Variants in RAPGEF5 observed in about 807,000 individuals in gnomAD.
RAPGEF5 encodes Rap guanine nucleotide exchange factor 5, also known as M-Ras-regulated GEF.
Under a neutral mutation model 125.2 loss-of-function variants are expected in RAPGEF5, and 65 were observed. The observed-to-expected ratio is 0.52, with a 90% CI of 0.43 to 0.64. The LOEUF (loss-of-function observed/expected upper bound fraction) is 0.64, where lower values mean the gene tolerates loss of function less well. RAPGEF5 is among the 30% of genes least tolerant of loss of function. The probability of loss-of-function intolerance (pLI) is 0.00; values close to 1 mark genes in which losing one functional copy is unlikely to be tolerated. For synonymous variants in RAPGEF5, 391 were observed against 385.9 expected, an observed-to-expected ratio of 1.01 and a Z score of -0.16; for missense variants, 958 against 1,048.1, an observed-to-expected ratio of 0.91 and a Z score of 1.19.
Position 22,296,871 on chromosome 7 carries a change from C to A in RAPGEF5, c.681-5630G>T, listed in dbSNP as rs529293564. ...TCCCAGGGGCCAAGTGGAAAAACTG[C>A]TTCCAGGACATGATCAATTGTGCCA... On this transcript the variant is annotated intron_variant, in intron 5 of 25. Transcript: ENST00000665637. Among the ~76,000 whole-genome samples, 6 of 152,270 alleles carry A rather than the reference C, an allele frequency of 3.9e-5. No individual in the cohort carries two copies. In the East Asian group the frequency reaches 1.2e-3, roughly 29 times the overall value.
intron 6 of RAPGEF5, among the ~76,000 whole-genome samples, chr7:22,285,815 T>G (rs559478188): frequency 6.6e-6 from 1 of 152,144 alleles, no homozygotes; most frequent in Non-Finnish European, 1.5e-5. Context: ...GAAAAGCCCT[T>G]ATGAAAAGGA....
At position 22,194,754 on chromosome 7, in the gene RAPGEF5, G is replaced by A. The variant is rs115219594; in HGVS notation, c.997-721C>T. Reference sequence around the variant, plus strand: ...CAGTCCCTTTTTAAAAAGGAGAGATGGCTGAACACACAGATTCATTTCTGC... The same window carrying A: ...CAGTCCCTTTTTAAAAAGGAGAGATAGCTGAACACACAGATTCATTTCTGC... On this transcript the variant is annotated intron_variant, in intron 9 of 25. Transcript: ENST00000665637. The A allele has an allele frequency of 4.1e-4, 408 of 985,404 alleles. 5 individuals are homozygous for A. In the African/African-American group the frequency reaches 6.8e-3, roughly 16 times the overall value. The allele number at this position is 985,404 out of a possible 1,614,324, so 61.0% of individuals were successfully genotyped here. A position where few individuals can be genotyped will look rare whatever the true frequency, so the allele number is the denominator to read the frequency against.
chr7:22,219,812 C>A, intron 9 of RAPGEF5, 54 bp downstream of exon 9: 2 of 1,520,390 alleles, frequency 1.3e-6, no homozygotes, highest in African/African-American at 1.4e-5. Context: ...TGCAATCAGG[C>A]AAAAACATTT....
At chr7:22,317,852 A>C in intron 2 of RAPGEF5, 135 bp downstream of exon 2, 1 of 1,139,908 alleles carries the variant, frequency 8.8e-7, no homozygotes. Context: ...TGGTGAAGAT[A>C]ATGTGATCAC....
intron 24 of RAPGEF5, among the ~76,000 whole-genome samples, chr7:22,127,131 C>T (rs1184275375): frequency 6.6e-6 from 1 of 151,434 alleles, no homozygotes; most frequent in Non-Finnish European, 1.5e-5. Flanking sequence ...CTCTACTCCC[C>T]AGGTTCAAGT....
chr7:22,268,683 T>C (rs540902245), intron 6 of RAPGEF5, among the ~76,000 whole-genome samples: 1 of 152,294 alleles, frequency 6.6e-6, no homozygotes, highest in South Asian at 2.1e-4. Context: ...AAGGCAGAGA[T>C]GGAAAATCAT....
chr7:22,351,794 T>C (rs1054822768), intron 1 of RAPGEF5, among the ~76,000 whole-genome samples: 6 of 152,356 alleles, frequency 3.9e-5, no homozygotes, highest in African/African-American at 1.4e-4. Flanking sequence ...GATCGGTTTC[T>C]ATTTCTCAAT....
chr7:22,197,358 T>A (rs1185608650), intron 9 of RAPGEF5, among the ~76,000 whole-genome samples: 1 of 152,102 alleles, frequency 6.6e-6, no homozygotes, highest in African/African-American at 2.4e-5. Context: ...ACGTTGAAAA[T>A]CATCTAGCTT....
intron 11 of RAPGEF5, among the ~76,000 whole-genome samples, chr7:22,176,090 G>A (rs1784498106): frequency 6.6e-6 from 1 of 152,088 alleles, no homozygotes; most frequent in Non-Finnish European, 1.5e-5. Context: ...TCACAGTAGG[G>A]GATGAAAGAG....
chr7:22,276,263 T>C (rs998440161), intron 6 of RAPGEF5, among the ~76,000 whole-genome samples: 1 of 152,342 alleles, frequency 6.6e-6, no homozygotes, highest in South Asian at 2.1e-4. Flanking sequence ...AAAAAGCTCA[T>C]AAATGATTCT....
At chr7:22,248,742 G>A (rs1246987743) in intron 7 of RAPGEF5, among the ~76,000 whole-genome samples, 3 of 152,176 alleles carry the variant, frequency 2.0e-5, no homozygotes, top group African/African-American at 7.2e-5. Context: ...CTTGCACTTA[G>A]TTCTACCTCC....
intron 7 of RAPGEF5, among the ~76,000 whole-genome samples, chr7:22,265,259 C>T (rs1782255489): frequency 6.6e-6 from 1 of 151,918 alleles, no homozygotes; most frequent in African/African-American, 2.4e-5. Context: ...AACTCTTCAT[C>T]CCTCCTACCC....
intron 9 of RAPGEF5, among the ~76,000 whole-genome samples, chr7:22,207,629 C>T (rs1232416535): frequency 6.6e-6 from 1 of 152,184 alleles, no homozygotes; most frequent in African/African-American, 2.4e-5. Context: ...TAAATTCCAG[C>T]AAGTTGCTTG....
chr7:22,162,639 T>C (rs1784042994), intron 12 of RAPGEF5, 98 bp from the exon 13 acceptor site: 1 of 1,156,498 alleles, frequency 8.6e-7, no homozygotes, highest in Non-Finnish European at 1.2e-6. Flanking sequence ...GGCATACAAG[T>C]GTATAAACAT....
intron 7 of RAPGEF5, among the ~76,000 whole-genome samples, chr7:22,244,810 A>T (rs1326712683): frequency 6.6e-6 from 1 of 152,158 alleles, no homozygotes; most frequent in East Asian, 1.9e-4. Flanking sequence ...ATATCTCTTC[A>T]ACATACTAAT....
intron 17 of RAPGEF5, among the ~76,000 whole-genome samples, chr7:22,153,215 G>A (rs1204906920): frequency 6.6e-6 from 1 of 152,138 alleles, no homozygotes; most frequent in Non-Finnish European, 1.5e-5. Context: ...GTACTACCTT[G>A]AGAGGTGGAT....
chr7:22,356,857 C>A lies in RAPGEF5; in HGVS notation c.204G>T (p.Arg68=), dbSNP rs1390643913. The change falls in exon 1 of 26, where the codon CGG becomes CGT. Residue 68 remains arginine, a synonymous_variant. Transcript: ENST00000665637. ...GGCCCCCAGCGGCGCTCCGCTTCCT[C>A]CGCAGCGTGAGCCCGCTCCGCAGCA... ...PALLRSGLTL[R]RKRSAAGGRT... is the part of the protein sequence containing the mutation. The A allele has an allele frequency of 3.4e-6, 4 of 1,165,172 alleles. No homozygotes were observed. Among genetic ancestry groups the A allele is most frequent in the Non-Finnish European group, 4.2e-6 (4 of 945,250 alleles). 72.2% of individuals were successfully genotyped at this position (1,165,172 alleles called of 1,614,324 possible). A position where few individuals can be genotyped will look rare whatever the true frequency, so the allele number is the denominator to read the frequency against.
In RAPGEF5 at chr7:22,160,550, T is replaced by A; in HGVS notation, c.1494A>T (p.Glu498Asp). Residue 498 changes from glutamate (E) to aspartate (D), a missense_variant, in exon 14 of 26, where the codon GAA (glutamate) becomes GAT (aspartate). Physicochemically the swap from Glu to Asp is conservative, Grantham distance 45. Transcript: ENST00000665637. ...GGTGCATTCCAAGTATCTTTTGAAATTCTTTCAATTCTTTTTCAAGTATTG... is the reference window on the plus strand; with the variant it reads ...GGTGCATTCCAAGTATCTTTTGAAAATCTTTCAATTCTTTTTCAAGTATTG... ...EYPILEKELKEFQKILGMHRR... is the reference protein window; with the variant it reads ...EYPILEKELKDFQKILGMHRR... 6.5e-7 allele frequency: 1 copy of A among 1,548,842 alleles called. No homozygotes were observed. The highest frequency in any genetic ancestry group is 8.7e-7 in the Non-Finnish European group (1 of 1,146,544).
intron 3 of RAPGEF5, among the ~76,000 whole-genome samples, chr7:22,312,498 C>T (rs937993802): frequency 1.3e-5 from 2 of 152,146 alleles, no homozygotes; most frequent in Non-Finnish European, 2.9e-5. Flanking sequence ...CATGAGCCAC[C>T]ACGCCTGGCC....
Sources: allele counts gnomAD v4.1 joint callset (sites outside exome capture counted in the v4.1 genomes callset), GRCh38; gene constraint gnomAD v4.1.1; transcripts MANE v1.5; gene names NCBI Gene and HGNC (gene_info 2026-07-23, HGNC 2026-07-21).